MINK1: variants seen among roughly 807,000 people sequenced by gnomAD.
MINK1 encodes misshapen like kinase 1.
In MINK1, 46 loss-of-function variants were observed where a neutral mutation model predicts 178.4. The ratio of observed to expected loss-of-function variants is 0.26; its 90% CI spans 0.20 to 0.33. The LOEUF (loss-of-function observed/expected upper bound fraction) is 0.33. MINK1 is among the 10% of genes least tolerant of loss of function. MINK1 has a pLI of 1.00. For missense variants in MINK1, 1,366 were observed against 1,814.9 expected (o/e 0.75, Z 4.49); for synonymous variants, 797 against 709.7 (o/e 1.12, Z -1.96).
chr17:4,884,405 G>A lies in MINK1; in HGVS notation c.349G>A (p.Val117Ile). 6.2e-7 allele frequency: 1 copy of A among 1,613,944 alleles called. No homozygotes were observed. The highest frequency in any genetic ancestry group is 8.5e-7 in the Non-Finnish European group (1 of 1,179,862). Residue 117 changes from valine to isoleucine, a missense_variant, in exon 5 of 32, where the codon GTA becomes ATA. Physicochemically the swap from Val to Ile is conservative, Grantham distance 29. Transcript: ENST00000355280. ...TGGTGCTGGTTCAGTGACTGACCTG[G>A]TAAAGAACACAAAAGGCAACGCCCT... Reference protein sequence around the residue: ...FCGAGSVTDLVKNTKGNALKE... With the variant: ...FCGAGSVTDLIKNTKGNALKE...
At position 4,890,639 on chromosome 17, in the gene MINK1, ACAG is replaced by A. The variant is rs745423930; in HGVS notation, c.1484_1486del (p.Gln495del). The stretch of plus-strand genomic sequence containing the variant: ...AGCAACAGCAGCAGCAGCTTCAGAA[ACAG>A]CAGCAGCAGCAGCTCCTGCCTGGGG... On this transcript the variant is annotated inframe_deletion, in exon 14 of 32. Transcript: ENST00000355280. The A allele has an allele frequency of 9.0e-6, 14 of 1,552,954 alleles. No homozygotes were observed. The highest frequency in any genetic ancestry group is 1.1e-5 in the Non-Finnish European group (13 of 1,148,048).
At chr17:4,835,077 T>A (rs1014563974) in intron 1 of MINK1, among the ~76,000 whole-genome samples, 13 of 152,186 alleles carry the variant, frequency 8.5e-5, no homozygotes, top group African/African-American at 2.9e-4. Flanking sequence ...GCTGAATTTC[T>A]CTGTGTGCGC....
intron 1 of MINK1, among the ~76,000 whole-genome samples, chr17:4,852,529 T>C (rs146566456): frequency 6.6e-6 from 1 of 151,264 alleles, no homozygotes; most frequent in East Asian, 2.0e-4. Context: ...GAACAGCATG[T>C]GGAGACCCAG....
At chr17:4,880,343 G>A (rs1205780298) in intron 2 of MINK1, among the ~76,000 whole-genome samples, 2 of 149,826 alleles carry the variant, frequency 1.3e-5, no homozygotes, top group Non-Finnish European at 3.0e-5. Flanking sequence ...TGTCCCCCAG[G>A]TGGGAGTGCA....
intron 1 of MINK1, among the ~76,000 whole-genome samples, chr17:4,841,527 C>G (rs1910221330): frequency 6.7e-6 from 1 of 150,226 alleles, no homozygotes; most frequent in Non-Finnish European, 1.5e-5. Context: ...AAAGCCCCCC[C>G]TCCGATTTTG....
intron 1 of MINK1, among the ~76,000 whole-genome samples, chr17:4,851,496 TG>T (rs1418249949): frequency 6.6e-6 from 1 of 152,184 alleles, no homozygotes; most frequent in Admixed American, 6.5e-5. Flanking sequence ...GCTCGCTGTC[TG>T]CCCCCCTGCG....
chr17:4,877,256 C>T (rs1403440050), intron 1 of MINK1, among the ~76,000 whole-genome samples: 3 of 152,108 alleles, frequency 2.0e-5, no homozygotes, highest in Non-Finnish European at 4.4e-5. Flanking sequence ...AGCTGTGTTG[C>T]TGAGGCCTGG....
intron 1 of MINK1, among the ~76,000 whole-genome samples, chr17:4,877,797 G>A (rs1439370286): frequency 1.4e-5 from 2 of 145,428 alleles, no homozygotes; most frequent in African/African-American, 5.2e-5. Context: ...TGACTTCCAT[G>A]TTCTCTCACT....
Position 4,885,406 on chromosome 17 carries a change from G to A in MINK1, c.509-77G>A. On this transcript the variant is annotated intron_variant, in intron 6 of 31. Coordinates refer to ENST00000355280, the MANE Select transcript of MINK1 (RefSeq NM_153827.5). This position sits in a 1 kb window ranked among gnomAD's most constrained non-coding sequence, Gnocchi z 5.0. Reference sequence around the variant, plus strand: ...ACCACAGCTGGCTCAGGCAAGTCCTGTGTGTGCACGCAGGGATGTGAGGCA... The same window carrying A: ...ACCACAGCTGGCTCAGGCAAGTCCTATGTGTGCACGCAGGGATGTGAGGCA... The A allele has an allele frequency of 4.4e-6, 7 of 1,574,022 alleles. No individual in the cohort carries two copies. The highest frequency in any genetic ancestry group is 6.1e-6 in the Non-Finnish European group (7 of 1,156,330).
intron 2 of MINK1, 124 bp downstream of exon 2, chr17:4,878,506 C>A: frequency 2.3e-6 from 2 of 865,118 alleles, no homozygotes; most frequent in South Asian, 1.5e-5. Flanking sequence ...GAGTCTAGGG[C>A]CCTGGAAAGG....
intron 1 of MINK1, among the ~76,000 whole-genome samples, chr17:4,837,697 G>A (rs147473293): frequency 1.1e-4 from 16 of 152,326 alleles, no homozygotes; most frequent in Non-Finnish European, 2.1e-4. Context: ...CTTTTGCATT[G>A]CTCCTTTTGG....
In MINK1 at chr17:4,881,134, C is replaced by A. The variant is rs371684085; in HGVS notation, c.183C>A (p.Asp61Glu). The change falls in exon 4 of 32, where the codon GAC (aspartate) becomes GAA (glutamate). Residue 61 changes from aspartate to glutamate, a missense_variant and splice_region_variant. Asp to Glu is a conservative substitution (Grantham distance 45). Around this residue, in one of 14 missense-constraint regions of MINK1, gnomAD observed 109 missense variants for 369.4 expected, o/e 0.30. Coordinates refer to ENST00000355280, the MANE Select transcript of MINK1 (RefSeq NM_153827.5). ...CTCAGCTCCTCCCATCTGCTTAGGA[C>A]GAGGAGGAAGAGATCAAACAGGAGA... ...AAIKVMDVTE[D>E]EEEEIKQEIN... 141 of 1,536,896 alleles carry A rather than the reference C, an allele frequency of 9.2e-5. No homozygotes were observed. Among genetic ancestry groups the A allele is most frequent in the Non-Finnish European group, 1.2e-4 (133 of 1,146,850 alleles).
At chr17:4,854,661 TC>T in intron 1 of MINK1, 1 of 442,848 alleles carries the variant, frequency 2.3e-6, no homozygotes, top group South Asian at 1.6e-5. Flanking sequence ...TAAATATTTT[TC>T]CTGGTTTCTT....
intron 1 of MINK1, chr17:4,875,640 C>CGG: frequency 1.1e-5 from 4 of 355,132 alleles, no homozygotes; most frequent in South Asian, 4.1e-5. Flanking sequence ...GGCGTGGTGG[C>CGG]ACACGCCTGT....
At chr17:4,873,283 G>A (rs994981942) in intron 1 of MINK1, among the ~76,000 whole-genome samples, 5 of 152,106 alleles carry the variant, frequency 3.3e-5, no homozygotes, top group Non-Finnish European at 5.9e-5. Context: ...ACAATAGAAT[G>A]TACCTGTGTA....
Position 4,887,684 on chromosome 17 carries a change from T to TGCAGCAGCA in MINK1, c.1133_1141dup (p.Gln378_Gln380dup), listed in dbSNP as rs752399585. 3 of 1,560,978 alleles carry TGCAGCAGCA rather than the reference T, an allele frequency of 1.9e-6. No homozygotes were observed. Among genetic ancestry groups the TGCAGCAGCA allele is most frequent in the African/African-American group, 2.7e-5 (2 of 72,874 alleles). On this transcript the variant is annotated inframe_insertion, in exon 12 of 32. Coordinates refer to ENST00000355280, the MANE Select transcript of MINK1 (RefSeq NM_153827.5). The surrounding 1 kb of genome is among the most constrained non-coding windows in gnomAD (Gnocchi z 7.6). ...GAGGCTTTAAAACAGCAGCAGCAGC[T>TGCAGCAGCA]GCAGCAGCAGCAGCAGCGAGACCCC...
chr17:4,872,354 CAG>C (rs984617807), intron 1 of MINK1, among the ~76,000 whole-genome samples: 2 of 149,040 alleles, frequency 1.3e-5, no homozygotes, highest in African/African-American at 2.5e-5. Flanking sequence ...AAAGGATGGA[CAG>C]AGTCAGGCAT....
In MINK1 at chr17:4,882,285, A is replaced by G. The variant is rs188691041; in HGVS notation, c.306+1028A>G. On this transcript the variant is annotated intron_variant, in intron 4 of 31. Transcript: ENST00000355280. ...ATATGCAAATATATGTGTCCACCCA[A>G]CCTTTTCCTGCATTGGATGTGGCTT... 2.7e-3 allele frequency among the ~76,000 whole-genome samples: 406 copies of G among 152,302 alleles called. 1 individual carries two copies. The highest frequency in any genetic ancestry group is 9.5e-3 in the African/African-American group (394 of 41,552).
intron 1 of MINK1, among the ~76,000 whole-genome samples, chr17:4,835,418 G>A (rs1022853955): frequency 6.6e-6 from 1 of 152,186 alleles, no homozygotes; most frequent in African/African-American, 2.4e-5. Context: ...CCTGAGGTCA[G>A]GAGTTCGGGA....
Sources: allele counts gnomAD v4.1 joint callset (sites outside exome capture counted in the v4.1 genomes callset), GRCh38; gene constraint gnomAD v4.1.1; regional missense constraint gnomAD v4.1.1; non-coding constraint Gnocchi (gnomAD v3.1); transcripts MANE v1.5; gene names NCBI Gene and HGNC (gene_info 2026-07-23, HGNC 2026-07-21).